Variants in CIITA observed in about 807,000 individuals in gnomAD.
CIITA encodes MHC class II transactivator.
Under a neutral mutation model 115.1 loss-of-function variants are expected in CIITA, and 72 were observed. The ratio of observed to expected loss-of-function variants is 0.63; its 90% confidence interval spans 0.52 to 0.76. The LOEUF (loss-of-function observed/expected upper bound fraction) is 0.76, where lower values mean the gene tolerates loss of function less well. Among genes scored for constraint, CIITA ranks in the 30% least tolerant of loss-of-function variants. The pLI is 0.00. For missense variants in CIITA, 1,617 were observed against 1,463.8 expected, an observed-to-expected ratio of 1.10 and a Z score of -1.71; for synonymous variants, 763 against 635.6, an observed-to-expected ratio of 1.20 and a Z score of -3.02.
At chr16:10,939,880 C>T (rs1444752763), downstream of CIITA, 1 of 152,304 alleles carries the variant, frequency 6.6e-6, no homozygotes, top group Non-Finnish European at 1.5e-5. This position sits in a 1 kb window ranked among gnomAD's most constrained non-coding sequence, Gnocchi z 4.9. Flanking sequence ...AGGGCCAAGG[C>T]TTGGTCTGTC....
rs2040918880 is a variant in CIITA, at chr16:10,934,113, C to A, written c.*10258C>A. 6.6e-6 allele frequency: 1 copy of A among 152,254 alleles called. No homozygotes were observed. The highest frequency in any genetic ancestry group is 2.4e-5 in the African/African-American group (1 of 41,464). 9.4% of individuals were successfully genotyped at this position (152,254 alleles called of 1,614,324 possible). ...TCAGCAGCGGGCTTTGTGAAGATGC[C>A]TGGTCTACCACGTGCCTCCAGCTGG... On this transcript the variant is annotated 3_prime_UTR_variant, in exon 20 of 20. Coordinates refer to ENST00000324288, the MANE Select transcript of CIITA (RefSeq NM_000246.4). The surrounding 1 kb of genome is among the most constrained non-coding windows in gnomAD (Gnocchi z 4.2).
At chr16:10,937,323 C>G (rs2041042763), downstream of CIITA, 1 of 152,324 alleles carries the variant, frequency 6.6e-6, no homozygotes, top group Non-Finnish European at 1.5e-5. The surrounding 1 kb of genome is among the most constrained non-coding windows in gnomAD (Gnocchi z 4.2). Context: ...GCTGTGGGAT[C>G]TCCCATAACT....
chr16:10,904,823 C>A lies in CIITA; in HGVS notation c.1006+11C>A. On this transcript the variant is annotated intron_variant, in intron 10 of 19. Transcript: ENST00000324288. ...TTCCAAAATGGCCTGGTGAGTGATGCGGGATCTCTCTGCCCTGGGTGGTGG... is the reference window on the plus strand; with the variant it reads ...TTCCAAAATGGCCTGGTGAGTGATGAGGGATCTCTCTGCCCTGGGTGGTGG... 6.2e-7 allele frequency: 1 copy of A among 1,613,948 alleles called. No homozygotes were observed. The highest frequency in any genetic ancestry group is 8.5e-7 in the Non-Finnish European group (1 of 1,179,816).
Position 10,902,830 on chromosome 16 carries a change from C to T in CIITA, c.772+29C>T, listed in dbSNP as rs144398594. On this transcript the variant is annotated intron_variant, in intron 8 of 19. Transcript: ENST00000324288. ...AGTGCGGGGCCTGGCTCCCCGACCA[C>T]CTCTCCCTCCTACCTGACTGCTCCC... 99 of 1,613,414 alleles carry T rather than the reference C, an allele frequency of 6.1e-5. 1 individual carries two copies. The Middle Eastern group carries it at 2.5e-3, about 41-fold the overall frequency.
chr16:10,916,375 C>T lies in CIITA; in HGVS notation c.2978C>T (p.Ala993Val), dbSNP rs547505584. The change falls in exon 15 of 20, where the codon GCG (alanine) becomes GTG (valine). Residue 993 changes from alanine (A) to valine (V), a missense_variant. By Grantham distance (64) the Ala-to-Val change is moderately conservative. Transcript: ENST00000324288. ...TCTGATTCCACCTGCAGCCTGGATG[C>T]GCTGAGTGAGAACAAGATCGGGGAC... ...FSSLQHLDLD[A>V]LSENKIGDEG... 27 of 1,613,686 alleles carry T rather than the reference C, an allele frequency of 1.7e-5. No homozygotes were observed. In the Admixed American group the frequency reaches 2.5e-4, roughly 15 times the overall value.
Position 10,907,437 on chromosome 16 carries a change from G to A in CIITA, c.1945G>A (p.Ala649Thr). Residue 649 changes from alanine (A) to threonine (T), a missense_variant, in exon 11 of 20, where the codon GCC becomes ACC. Coordinates refer to ENST00000324288, the MANE Select transcript of CIITA (RefSeq NM_000246.4). The surrounding 1 kb of genome is among the most constrained non-coding windows in gnomAD (Gnocchi z 5.0). ...CTATGTCGGCCTGCTGGGCCGTGCA[G>A]CCCTCGACAGCCCCCCCGGGGCCCT... ...GLYVGLLGRA[A>T]LDSPPGALAE... The A allele has an allele frequency of 2.5e-6, 4 of 1,612,938 alleles. No homozygotes were observed. Among genetic ancestry groups the A allele is most frequent in the Non-Finnish European group, 3.4e-6 (4 of 1,179,786 alleles).
Position 10,923,253 on chromosome 16 carries a change from A to G in CIITA, c.3343A>G (p.Ser1115Gly), listed in dbSNP as rs762784086. Residue 1115 changes from serine (S) to glycine (G), a missense_variant, in exon 19 of 20, where the codon AGT becomes GGT. Ser to Gly is a moderately conservative substitution (Grantham distance 56). Transcript: ENST00000324288. The surrounding 1 kb of genome is among the most constrained non-coding windows in gnomAD (Gnocchi z 5.2). ...GATGTGGACGCCCACCATCCCATTCAGTGTCCAGGAACACCTGCAACAACA... is the reference window on the plus strand; with the variant it reads ...GATGTGGACGCCCACCATCCCATTCGGTGTCCAGGAACACCTGCAACAACA... ...LAMWTPTIPF[S>G]VQEHLQQQDS... 3 of 1,596,540 alleles carry G rather than the reference A, an allele frequency of 1.9e-6. No homozygotes were observed. The highest frequency in any genetic ancestry group is 2.6e-6 in the Non-Finnish European group (3 of 1,169,192).
At chr16:10,900,058 G>A (rs1319890193) in intron 5 of CIITA, among the ~76,000 whole-genome samples, 3 of 152,120 alleles carry the variant, frequency 2.0e-5, no homozygotes, top group Non-Finnish European at 2.9e-5. Flanking sequence ...TCCAGCCTGG[G>A]TGGCAGAGTA....
At chr16:10,883,505 G>T (rs1473747659) in intron 1 of CIITA, among the ~76,000 whole-genome samples, 2 of 152,162 alleles carry the variant, frequency 1.3e-5, no homozygotes, top group Non-Finnish European at 2.9e-5. Flanking sequence ...GGAGATGATG[G>T]CCCATTCGAG....
At chr16:10,904,568 A>G (rs898347698) in intron 9 of CIITA, among the ~76,000 whole-genome samples, 176 bp from the exon 10 acceptor site, 1 of 152,204 alleles carries the variant, frequency 6.6e-6, no homozygotes, top group Admixed American at 6.5e-5. Context: ...TTTTAAAAGT[A>G]CAGTTGGCCA....
At position 10,942,021 on chromosome 16, in the gene CIITA, G is replaced by A; in HGVS notation, n.1147G>A. 7.1e-7 allele frequency: 1 copy of A among 1,405,016 alleles called. No individual in the cohort carries two copies. The highest frequency in any genetic ancestry group is 9.3e-7 in the Non-Finnish European group (1 of 1,080,468). The allele number at this position is 1,405,016 out of a possible 1,614,324, so 87.0% of individuals were successfully genotyped here. A position where few individuals can be genotyped will look rare whatever the true frequency, so the allele number is the denominator to read the frequency against. ...CGCCGAGCATGCAGCGGGTGGCAAG[G>A]GCGGCGGCCCGGCGATCCCGGCGAA... On this transcript the variant is annotated non_coding_transcript_exon_variant, in exon 2 of 2. Coordinates refer to the CIITA transcript ENST00000573379. The surrounding 1 kb of genome is among the most constrained non-coding windows in gnomAD (Gnocchi z 5.0).
rs1285088697 is a variant in CIITA, at chr16:10,925,622, A to G, written c.*1767A>G. ...ACCACACCCAGCCCACTTCTGCCAT[A>G]TTCTGTTGGCCAGTGTGACAAGGAT... On this transcript the variant is annotated 3_prime_UTR_variant, in exon 20 of 20. Transcript: ENST00000324288. 1 of 152,324 alleles carries G rather than the reference A, an allele frequency of 6.6e-6. No homozygotes were observed. The highest frequency in any genetic ancestry group is 1.5e-5 in the Non-Finnish European group (1 of 68,144). 9.4% of individuals were successfully genotyped at this position (152,324 alleles called of 1,614,324 possible).
At chr16:10,911,667 C>A (rs2039593917) in intron 13 of CIITA, among the ~76,000 whole-genome samples, 1 of 151,878 alleles carries the variant, frequency 6.6e-6, no homozygotes, top group South Asian at 2.1e-4. Flanking sequence ...GTGATCCTCC[C>A]ACCTCAGCCT....
chr16:10,880,045 T>C (rs1309750885), intron 1 of CIITA, among the ~76,000 whole-genome samples: 1 of 152,154 alleles, frequency 6.6e-6, no homozygotes, highest in Non-Finnish European at 1.5e-5. Context: ...CGGAGTGAGA[T>C]TAAGGAAACA....
At chr16:10,888,673 G>C (rs559602653) in intron 1 of CIITA, 1 of 152,370 alleles carries the variant, frequency 6.6e-6, no homozygotes, top group South Asian at 2.1e-4. Context: ...TGTGGAAGGT[G>C]GTGGCCCAGG....
downstream of CIITA, chr16:10,941,069 T>C (rs2145445833): frequency 6.6e-6 from 1 of 152,382 alleles, no homozygotes; most frequent in East Asian, 1.9e-4. The surrounding 1 kb of genome is among the most constrained non-coding windows in gnomAD (Gnocchi z 6.4). Flanking sequence ...TCTCACAGCT[T>C]TGGCCTAGAG....
intron 1 of CIITA, among the ~76,000 whole-genome samples, chr16:10,890,119 C>T (rs971409498): frequency 5.9e-5 from 9 of 152,028 alleles, no homozygotes; most frequent in Admixed American, 2.6e-4. Context: ...GGAAGTGGGG[C>T]GCTGAAATGT....
chr16:10,877,187 AACTGGTG>A (rs2035905202), upstream of CIITA: 1 of 739,732 alleles, frequency 1.4e-6, no homozygotes, highest in African/African-American at 1.7e-5. Context: ...GCGGGCTCCC[AACTGGTG>A]ACTGGTTAGT....
chr16:10,902,813 G>C lies in CIITA; in HGVS notation c.772+12G>C, dbSNP rs149554407. On this transcript the variant is annotated intron_variant, in intron 8 of 19. Coordinates refer to ENST00000324288, the MANE Select transcript of CIITA (RefSeq NM_000246.4). ...ATTCATCTACCATGGTGAGTGCGGGGCCTGGCTCCCCGACCACCTCTCCCT... is the reference window on the plus strand; with the variant it reads ...ATTCATCTACCATGGTGAGTGCGGGCCCTGGCTCCCCGACCACCTCTCCCT... The C allele has an allele frequency of 6.2e-7, 1 of 1,613,968 alleles. No homozygotes were observed. Among genetic ancestry groups the C allele is most frequent in the South Asian group, 1.1e-5 (1 of 91,078 alleles).
Sources: gnomAD v4.1 joint callset for allele counts (sites outside exome capture counted in the v4.1 genomes callset) on GRCh38, gnomAD v4.1.1 for gene constraint, Gnocchi (gnomAD v3.1) non-coding constraint, MANE v1.5 for transcripts, NCBI Gene and HGNC (gene_info 2026-07-23, HGNC 2026-07-21) for gene names.